CCSER2: variants seen among roughly 807,000 people sequenced by gnomAD.
The protein encoded by CCSER2 is serine-rich coiled-coil domain-containing protein 2.
CCSER2 carries 46 observed loss-of-function variants against 92.3 expected under a neutral mutation model. The ratio of observed to expected loss-of-function variants is 0.50; its 90% CI spans 0.39 to 0.64. The LOEUF (loss-of-function observed/expected upper bound fraction) is 0.64, where lower values mean the gene tolerates loss of function less well. CCSER2 is among the 30% of genes least tolerant of loss of function. The pLI, the probability that CCSER2 is intolerant of heterozygous loss-of-function variation, is 0.00. For missense variants in CCSER2, 1,244 were observed against 1,238.9 expected (o/e 1.00, Z -0.06); for synonymous variants, 433 against 431.4 (o/e 1.00, Z -0.04).
At chr10:84,406,327 T>G (rs1842374862) in intron 3 of CCSER2, among the ~76,000 whole-genome samples, 1 of 152,226 alleles carries the variant, frequency 6.6e-6, no homozygotes, top group Admixed American at 6.5e-5. Flanking sequence ...GAAACTGTTC[T>G]GCATCCTAAT....
intron 6 of CCSER2, among the ~76,000 whole-genome samples, chr10:84,445,206 T>C (rs972378704): frequency 2.0e-5 from 3 of 152,104 alleles, no homozygotes; most frequent in Admixed American, 2.0e-4. Flanking sequence ...CAGGCTGGAG[T>C]GCAGTGGTGC....
At chr10:84,416,755 C>T (rs929823270) in intron 3 of CCSER2, among the ~76,000 whole-genome samples, 8 of 151,938 alleles carry the variant, frequency 5.3e-5, no homozygotes, top group Admixed American at 4.6e-4. Context: ...AGTGAAACCC[C>T]GTCTCTACCA....
chr10:84,479,313 T>C (rs1380492442), intron 9 of CCSER2, among the ~76,000 whole-genome samples: 1 of 152,256 alleles, frequency 6.6e-6, no homozygotes, highest in African/African-American at 2.4e-5. Context: ...GCTGAGCTAG[T>C]ACTATAACTT....
chr10:84,445,547 T>G (rs1844863415), intron 6 of CCSER2, among the ~76,000 whole-genome samples: 1 of 152,196 alleles, frequency 6.6e-6, no homozygotes. Flanking sequence ...GTATTTATCT[T>G]AATGAATTTT....
intron 6 of CCSER2, 61 bp downstream of exon 6, chr10:84,438,768 A>G (rs1226600429): frequency 1.7e-5 from 18 of 1,063,188 alleles, no homozygotes; most frequent in Non-Finnish European, 2.3e-5. Flanking sequence ...GATTGACTTT[A>G]GTTTTTTTTA....
At chr10:84,511,777 C>T (rs916709729) in intron 9 of CCSER2, among the ~76,000 whole-genome samples, 1 of 152,114 alleles carries the variant, frequency 6.6e-6, no homozygotes, top group African/African-American at 2.4e-5. Context: ...TCATTTTTAT[C>T]TAGGGAACCC....
intron 3 of CCSER2, among the ~76,000 whole-genome samples, chr10:84,413,023 A>T (rs975787812): frequency 6.7e-6 from 1 of 149,784 alleles, no homozygotes; most frequent in Non-Finnish European, 1.5e-5. Flanking sequence ...TGTTTCTTTG[A>T]TTCTTCTCTC....
intron 4 of CCSER2, among the ~76,000 whole-genome samples, chr10:84,420,790 G>A (rs149613467): frequency 0.015 from 2,243 of 152,006 alleles, 52 homozygotes; most frequent in African/African-American, 0.051. Flanking sequence ...AAAATTAGCC[G>A]GGCGTGGAGG....
chr10:84,501,944 T>C (rs1848778842), intron 9 of CCSER2, among the ~76,000 whole-genome samples: 1 of 139,210 alleles, frequency 7.2e-6, no homozygotes, highest in Non-Finnish European at 1.6e-5. Flanking sequence ...ATTTGATCTT[T>C]GAGACTTGTA....
rs192943841 is a variant in CCSER2, at chr10:84,499,121, C to A, written c.2326-14328C>A. On this transcript the variant is annotated intron_variant, in intron 9 of 9. Coordinates refer to ENST00000372088, the MANE Select transcript of CCSER2 (RefSeq NM_001284240.2). ...TTTTTACCTGCTAATCCTCTGAAAA[C>A]CTGTGATTTAAGAAGAAATTTTATT... 1.8e-3 allele frequency among the ~76,000 whole-genome samples: 267 copies of A among 152,140 alleles called. 1 individual carries two copies. Among genetic ancestry groups the A allele is most frequent in the African/African-American group, 6.2e-3 (258 of 41,510 alleles).
chr10:84,464,762 C>G (rs1846293218), intron 7 of CCSER2, among the ~76,000 whole-genome samples: 1 of 152,108 alleles, frequency 6.6e-6, no homozygotes, highest in African/African-American at 2.4e-5. Flanking sequence ...CGGATCAGCC[C>G]CTATTGTGGG....
rs1267021791 is a variant in CCSER2 at position 84,375,945 on chromosome 10, G to A, written c.1614+2130G>A. Among the ~76,000 whole-genome samples, 16 of 138,382 alleles carry A rather than the reference G, an allele frequency of 1.2e-4. No individual in the cohort carries two copies. The East Asian group carries it at 3.3e-3, about 29-fold the overall frequency. 90.8% of individuals were successfully genotyped at this position (138,382 alleles called of 152,430 possible). A position where few individuals can be genotyped will look rare whatever the true frequency, so the allele number is the denominator to read the frequency against. On this transcript the variant is annotated intron_variant, in intron 3 of 9. Coordinates refer to ENST00000372088, the MANE Select transcript of CCSER2 (RefSeq NM_001284240.2). ...CCTTTAGCATATTCTCACTTTTCTT[G>A]TCTCTGCAACACTGCTTCTACCAGT...
rs1270686262 is a variant in CCSER2, at chr10:84,513,838, A to G, written c.2715A>G (p.Arg905=). Residue 905 remains arginine, a synonymous_variant, in exon 10 of 10, where the codon AGA becomes AGG. Transcript: ENST00000372088. ...STVDQAKRVG[R]NQSPPVGYMS... is the part of the protein sequence containing the mutation. ...TAGACCAGGCTAAGAGAGTTGGAAG[A>G]AATCAGTCTCCGCCAGTGGGTTATA... 6.5e-7 allele frequency: 1 copy of G among 1,536,282 alleles called. No individual in the cohort carries two copies. The highest frequency in any genetic ancestry group is 8.7e-7 in the Non-Finnish European group (1 of 1,146,946).
At chr10:84,451,042 A>G (rs535317459) in intron 6 of CCSER2, among the ~76,000 whole-genome samples, 2 of 152,332 alleles carry the variant, frequency 1.3e-5, no homozygotes, top group South Asian at 4.1e-4. Flanking sequence ...GAATTTATCA[A>G]AATGACTCCA....
intron 3 of CCSER2, among the ~76,000 whole-genome samples, chr10:84,398,291 AT>A (rs1841947527): frequency 6.6e-6 from 1 of 152,108 alleles, no homozygotes; most frequent in South Asian, 2.1e-4. Flanking sequence ...CTGAGTGATT[AT>A]TATACATTGG....
At chr10:84,427,016 T>C (rs1843471297) in intron 5 of CCSER2, among the ~76,000 whole-genome samples, 2 of 152,212 alleles carry the variant, frequency 1.3e-5, no homozygotes, top group Non-Finnish European at 2.9e-5. Context: ...TGTGTATAAA[T>C]ATAGTACTGT....
chr10:84,510,892 T>A (rs1449922203), intron 9 of CCSER2, among the ~76,000 whole-genome samples: 1 of 152,234 alleles, frequency 6.6e-6, no homozygotes, highest in Non-Finnish European at 1.5e-5. Flanking sequence ...TATAGGTGTT[T>A]CTTATTCCTC....
intron 8 of CCSER2, among the ~76,000 whole-genome samples, chr10:84,471,249 T>C (rs1846779273): frequency 6.6e-6 from 1 of 152,032 alleles, no homozygotes; most frequent in African/African-American, 2.4e-5. Context: ...AAATCAAATA[T>C]TATGATTAAA....
In CCSER2 at chr10:84,516,866, TAAAAG is replaced by T. The variant is rs1043463295; in HGVS notation, c.*2604_*2608del. ...CGTATATTTATGAAGCATAATATATTAAAAGAAAACAAATCTAGGATGCTTGCATG... is the reference window on the plus strand; with the variant it reads ...CGTATATTTATGAAGCATAATATATTAAAACAAATCTAGGATGCTTGCATG... On this transcript the variant is annotated 3_prime_UTR_variant, in exon 10 of 10. Transcript: ENST00000372088. The T allele has an allele frequency of 1.6e-4, 24 of 152,302 alleles. No homozygotes were observed. Among genetic ancestry groups the T allele is most frequent in the African/African-American group, 4.8e-4 (20 of 41,570 alleles). 9.4% of individuals were successfully genotyped at this position (152,302 alleles called of 1,614,324 possible).
Sources: allele counts gnomAD v4.1 joint callset (sites outside exome capture counted in the v4.1 genomes callset), GRCh38; gene constraint gnomAD v4.1.1; transcripts MANE v1.5; gene names NCBI Gene and HGNC (gene_info 2026-07-23, HGNC 2026-07-21).